Variants in MBP observed in about 807,000 individuals in gnomAD.
MBP encodes the protein myelin basic protein.
MBP carries 16 observed loss-of-function variants against 35.8 expected under a neutral mutation model. That is an observed-to-expected ratio of 0.45 (90% CI 0.30 to 0.68). The LOEUF (loss-of-function observed/expected upper bound fraction) is 0.68, where lower values mean the gene tolerates loss of function less well. Ranked by LOEUF, MBP falls within the 30% of genes least tolerant of loss-of-function variation. The pLI is 0.08. For missense variants in MBP, 380 were observed against 404.7 expected, an observed-to-expected ratio of 0.94 and a Z score of 0.52; for synonymous variants, 143 against 159.6, an observed-to-expected ratio of 0.90 and a Z score of 0.78.
intron 3 of MBP, among the ~76,000 whole-genome samples, chr18:77,018,964 TCATCCATC>T (rs58618620): frequency 0.066 from 8,058 of 122,514 alleles, 283 homozygotes; most frequent in East Asian, 0.16. Flanking sequence ...ATCTATCCAT[TCATCCATC>T]CATCCATCCA....
At chr18:77,035,405 A>C (rs1037602245) in intron 3 of MBP, among the ~76,000 whole-genome samples, 2 of 152,358 alleles carry the variant, frequency 1.3e-5, no homozygotes, top group Non-Finnish European at 2.9e-5. Flanking sequence ...GAAGGCTGTT[A>C]AATTTTACCA....
chr18:77,022,593 T>C (rs1035999563), intron 3 of MBP, among the ~76,000 whole-genome samples: 6 of 152,248 alleles, frequency 3.9e-5, no homozygotes, highest in African/African-American at 1.4e-4. Flanking sequence ...AAATGATTAG[T>C]CTGATTTTAT....
At chr18:77,066,855 C>G (rs1974219127) in intron 2 of MBP, among the ~76,000 whole-genome samples, 1 of 152,204 alleles carries the variant, frequency 6.6e-6, no homozygotes, top group Non-Finnish European at 1.5e-5. Context: ...AAGCTGATGT[C>G]CGGAGGCACT....
In MBP at chr18:76,989,537, G is replaced by A. The variant is rs1480888729; in HGVS notation, c.681+419C>T. On this transcript the variant is annotated intron_variant, in intron 5 of 8. Transcript: ENST00000355994. The surrounding 1 kb of genome is among the most constrained non-coding windows in gnomAD (Gnocchi z 4.0). Reference sequence around the variant, plus strand: ...GCACGCTGTGGGTTTGGACAAGTGCGTGGTCTTCAGTCACCATGGCAGCCT... The same window carrying A: ...GCACGCTGTGGGTTTGGACAAGTGCATGGTCTTCAGTCACCATGGCAGCCT... Among the ~76,000 whole-genome samples, 2 of 152,176 alleles carry A rather than the reference G, an allele frequency of 1.3e-5. No individual in the cohort carries two copies. Among genetic ancestry groups the A allele is most frequent in the Non-Finnish European group, 2.9e-5 (2 of 68,034 alleles).
rs552807622 is a variant in MBP, at chr18:77,050,498, A to C, written c.139+15800T>G. 2.6e-5 allele frequency among the ~76,000 whole-genome samples: 4 copies of C among 152,324 alleles called. 1 individual carries two copies. Among genetic ancestry groups the C allele is most frequent in the African/African-American group, 9.6e-5 (4 of 41,558 alleles). On this transcript the variant is annotated intron_variant, in intron 3 of 8. Transcript: ENST00000355994. ...CAAGGGCAGTTCCTTCTTCATTGCCATAACTGAGCTGTGTGCCTCGCAGGT... is the reference window on the plus strand; with the variant it reads ...CAAGGGCAGTTCCTTCTTCATTGCCCTAACTGAGCTGTGTGCCTCGCAGGT...
At position 77,105,295 on chromosome 18, in the gene MBP, G is replaced by T; in HGVS notation, c.-25-9C>A. On this transcript the variant is annotated splice_polypyrimidine_tract_variant and intron_variant, in intron 1 of 8. Coordinates refer to ENST00000355994, the MANE Select transcript of MBP (RefSeq NM_001025101.2). ...GATTGGCTCTTCAGAGGCTAAAAGA[G>T]AAAGAGAAAGTGTCAGCCCTAAGTC... is the stretch of plus-strand genomic sequence containing the variant. 2 of 1,571,984 alleles carry T rather than the reference G, an allele frequency of 1.3e-6. No homozygotes were observed. The highest frequency in any genetic ancestry group is 1.1e-5 in the South Asian group (1 of 90,258).
chr18:77,019,080 CCATTA>C, intron 3 of MBP, among the ~76,000 whole-genome samples: 1 of 134,280 alleles, frequency 7.4e-6, no homozygotes, highest in African/African-American at 2.8e-5. Context: ...ATCCATCCAT[CCATTA>C]TTTATGAGTA....
intron 2 of MBP, among the ~76,000 whole-genome samples, chr18:77,098,977 C>T (rs1438164139): frequency 6.6e-6 from 1 of 151,302 alleles, no homozygotes; most frequent in Admixed American, 6.6e-5. Context: ...CTCTTCTCCT[C>T]TTCTCTCCCC....
Position 77,131,891 on chromosome 18 carries a change from G to T in MBP, c.-26+689C>A, listed in dbSNP as rs1048915390. The stretch of plus-strand genomic sequence containing the variant: ...CGTGGGCCCAGGTGGGCGCAGCGAC[G>T]GGCCCGGCCGAAGAGCCCGAGACAG... On this transcript the variant is annotated intron_variant, in intron 1 of 8. Coordinates refer to ENST00000355994, the MANE Select transcript of MBP (RefSeq NM_001025101.2). The surrounding 1 kb of genome is among the most constrained non-coding windows in gnomAD (Gnocchi z 5.5). Among the ~76,000 whole-genome samples the T allele has an allele frequency of 2.6e-5, 4 of 152,058 alleles. No homozygotes were observed. Among genetic ancestry groups the T allele is most frequent in the Non-Finnish European group, 5.9e-5 (4 of 67,972 alleles).
rs1011470644 is a variant in MBP, at chr18:77,044,143, G to A, written c.139+22155C>T. Reference sequence around the variant, plus strand: ...GCTGCACACTGGGCTGGTCTGCAGAGGTCGAATGCACTCCCTGGTGACTTA... The same window carrying A: ...GCTGCACACTGGGCTGGTCTGCAGAAGTCGAATGCACTCCCTGGTGACTTA... On this transcript the variant is annotated intron_variant, in intron 3 of 8. Transcript: ENST00000355994. This position sits in a 1 kb window ranked among gnomAD's most constrained non-coding sequence, Gnocchi z 4.4. Among the ~76,000 whole-genome samples, 1 of 152,056 alleles carries A rather than the reference G, an allele frequency of 6.6e-6. No individual in the cohort carries two copies. The highest frequency in any genetic ancestry group is 2.4e-5 in the African/African-American group (1 of 41,410).
At chr18:77,071,200 C>A (rs150518105) in intron 2 of MBP, among the ~76,000 whole-genome samples, 22 of 152,266 alleles carry the variant, frequency 1.4e-4, no homozygotes, top group African/African-American at 5.3e-4. Flanking sequence ...CTGATTCAGA[C>A]TAGAAACTGC....
At chr18:77,086,402 T>A (rs1412922229) in intron 2 of MBP, among the ~76,000 whole-genome samples, 1 of 152,236 alleles carries the variant, frequency 6.6e-6, no homozygotes. Context: ...CAGGATATTC[T>A]CTGCAAATCC....
At chr18:77,029,597 T>C (rs2123599869) in intron 3 of MBP, among the ~76,000 whole-genome samples, 1 of 152,272 alleles carries the variant, frequency 6.6e-6, no homozygotes, top group South Asian at 2.1e-4. Flanking sequence ...ATGACAGGCA[T>C]GAGACATTGT....
intron 2 of MBP, among the ~76,000 whole-genome samples, chr18:77,087,114 T>C (rs911707909): frequency 4.6e-5 from 7 of 151,690 alleles, no homozygotes; most frequent in African/African-American, 1.7e-4. Flanking sequence ...ACACATGCTT[T>C]TGGATGCGAA....
At chr18:77,048,770 TG>T (rs59452858) in intron 3 of MBP, among the ~76,000 whole-genome samples, 101 of 152,160 alleles carry the variant, frequency 6.6e-4, no homozygotes, top group Middle Eastern at 3.4e-3. Flanking sequence ...AGCCAATCTC[TG>T]TAGGTTCTAT....
chr18:77,023,553 C>T (rs766145937), intron 3 of MBP, among the ~76,000 whole-genome samples: 27 of 152,274 alleles, frequency 1.8e-4, no homozygotes, highest in Admixed American at 3.9e-4. Context: ...CTGGACCATC[C>T]GTAAAGGGCT....
intron 4 of MBP, among the ~76,000 whole-genome samples, chr18:77,002,343 C>T (rs577764674): frequency 6.6e-6 from 1 of 152,226 alleles, no homozygotes; most frequent in South Asian, 2.1e-4. Context: ...TCCATGATGT[C>T]ATTGCAGAAT....
intron 2 of MBP, among the ~76,000 whole-genome samples, chr18:77,103,353 C>T (rs369237284): frequency 4.6e-4 from 70 of 152,306 alleles, no homozygotes; most frequent in African/African-American, 1.6e-3. Context: ...GTCGGGGGTT[C>T]CCCTGACCCT....
intron 3 of MBP, among the ~76,000 whole-genome samples, chr18:77,035,996 G>A (rs1176951764): frequency 1.3e-5 from 2 of 152,244 alleles, no homozygotes; most frequent in Non-Finnish European, 1.5e-5. Context: ...GTCAGTTCTT[G>A]GGTCAAATTG....
Sources: gnomAD v4.1 joint callset for allele counts (sites outside exome capture counted in the v4.1 genomes callset) on GRCh38, gnomAD v4.1.1 for gene constraint, Gnocchi (gnomAD v3.1) non-coding constraint, MANE v1.5 for transcripts, NCBI Gene and HGNC (gene_info 2026-07-23, HGNC 2026-07-21) for gene names.